CLEC9A: variants seen among roughly 807,000 people sequenced by gnomAD.
CLEC9A encodes C-type lectin domain containing 9A, also known as C-type lectin domain family 9 member A.
In CLEC9A, 24 loss-of-function variants were observed where a neutral mutation model predicts 30.0. That is an observed-to-expected ratio of 0.80 (90% confidence interval 0.58 to 1.13). The LOEUF is 1.13. Among genes scored for constraint, CLEC9A ranks in the 50% most tolerant of loss-of-function variants. The probability of loss-of-function intolerance (pLI) is 0.00; values close to 1 mark genes in which losing one functional copy is unlikely to be tolerated. For missense variants in CLEC9A, 251 were observed against 280.9 expected (o/e 0.89, Z 0.76); for synonymous variants, 111 against 96.8 (o/e 1.15, Z -0.86).
At chr12:10,062,466 A>T (rs1255923529) in intron 6 of CLEC9A, among the ~76,000 whole-genome samples, 1 of 152,324 alleles carries the variant, frequency 6.6e-6, no homozygotes, top group East Asian at 1.9e-4. Flanking sequence ...ATTAAGGCTT[A>T]CTTCTTAGTT....
chr12:10,033,411 C>G (rs574510475), intron 1 of CLEC9A, among the ~76,000 whole-genome samples: 20 of 152,202 alleles, frequency 1.3e-4, no homozygotes, highest in African/African-American at 4.6e-4. Context: ...TATTTCCATA[C>G]CATTGCTTGA....
At chr12:10,057,701 A>G (rs1477444523) in intron 5 of CLEC9A, among the ~76,000 whole-genome samples, 3 of 152,056 alleles carry the variant, frequency 2.0e-5, no homozygotes, top group Non-Finnish European at 4.4e-5. Context: ...ATACATACAT[A>G]GAAAAGAGTT....
At chr12:10,056,948 C>T (rs1014014227) in intron 5 of CLEC9A, among the ~76,000 whole-genome samples, 1 of 152,060 alleles carries the variant, frequency 6.6e-6, no homozygotes, top group African/African-American at 2.4e-5. Flanking sequence ...TATCACTGTA[C>T]AGGCGTAAAG....
chr12:10,037,221 A>G (rs1865751476), intron 1 of CLEC9A, among the ~76,000 whole-genome samples: 1 of 152,214 alleles, frequency 6.6e-6, no homozygotes, highest in Non-Finnish European at 1.5e-5. Context: ...TGCAAAGTAA[A>G]AATTGACAGA....
At chr12:10,053,429 C>A (rs1333841912) in intron 4 of CLEC9A, among the ~76,000 whole-genome samples, 2 of 152,174 alleles carry the variant, frequency 1.3e-5, no homozygotes, top group African/African-American at 4.8e-5. Context: ...ATGGACCCTT[C>A]TTCTGTCTTG....
intron 5 of CLEC9A, among the ~76,000 whole-genome samples, chr12:10,059,788 A>C (rs913107972): frequency 6.6e-6 from 1 of 152,172 alleles, no homozygotes; most frequent in African/African-American, 2.4e-5. Context: ...ACTGGGAATA[A>C]ATAGTTGTAA....
intron 5 of CLEC9A, among the ~76,000 whole-genome samples, chr12:10,057,997 GT>G (rs924786614): frequency 2.6e-5 from 4 of 151,580 alleles, no homozygotes; most frequent in East Asian, 1.9e-4. Flanking sequence ...AAAGTATTTT[GT>G]TTTTTTTCCC....
intron 2 of CLEC9A, among the ~76,000 whole-genome samples, chr12:10,043,483 G>A (rs901369508): frequency 1.3e-5 from 2 of 151,938 alleles, no homozygotes; most frequent in Non-Finnish European, 2.9e-5. Context: ...TCAAACAAGA[G>A]AGCACTGGTC....
chr12:10,036,923 G>T (rs1865748896), intron 1 of CLEC9A, among the ~76,000 whole-genome samples: 1 of 152,072 alleles, frequency 6.6e-6, no homozygotes, highest in Admixed American at 6.6e-5. Context: ...ATACGTATTG[G>T]GTAACACAGG....
intron 1 of CLEC9A, among the ~76,000 whole-genome samples, chr12:10,036,682 C>G (rs1786171117): frequency 1.3e-5 from 2 of 152,152 alleles, no homozygotes; most frequent in South Asian, 4.1e-4. Flanking sequence ...TCATTGTTAT[C>G]TTAGTATCTT....
At chr12:10,032,277 A>C (rs1220609356) in intron 1 of CLEC9A, among the ~76,000 whole-genome samples, 1 of 152,186 alleles carries the variant, frequency 6.6e-6, no homozygotes, top group East Asian at 1.9e-4. Context: ...AAGACGCCAC[A>C]GCCACACAGG....
At position 10,065,659 on chromosome 12, in the gene CLEC9A, T is replaced by C; in HGVS notation, c.*27T>C. ...AGAAATTGTGTTCAAAGTGTTCTATTACACTGTTATTTGGAGCATGCCATT... is the reference window on the plus strand; with the variant it reads ...AGAAATTGTGTTCAAAGTGTTCTATCACACTGTTATTTGGAGCATGCCATT... On this transcript the variant is annotated 3_prime_UTR_variant, in exon 9 of 9. Coordinates refer to ENST00000355819, the MANE Select transcript of CLEC9A (RefSeq NM_207345.4). The C allele has an allele frequency of 6.2e-7, 1 of 1,612,298 alleles. No homozygotes were observed. The highest frequency in any genetic ancestry group is 8.5e-7 in the Non-Finnish European group (1 of 1,178,882).
At chr12:10,059,137 T>C (rs1865972390) in intron 5 of CLEC9A, among the ~76,000 whole-genome samples, 1 of 152,170 alleles carries the variant, frequency 6.6e-6, no homozygotes. Flanking sequence ...TTAAACCAAT[T>C]ATATAACTGA....
At chr12:10,063,864 C>T (rs1178322611) in intron 7 of CLEC9A, among the ~76,000 whole-genome samples, 3 of 152,146 alleles carry the variant, frequency 2.0e-5, no homozygotes, top group Admixed American at 2.0e-4. Flanking sequence ...AAAAATTAGG[C>T]TGGGATGGTG....
chr12:10,036,534 A>G (rs180741938), intron 1 of CLEC9A, among the ~76,000 whole-genome samples: 37 of 152,334 alleles, frequency 2.4e-4, no homozygotes, highest in African/African-American at 8.7e-4. Flanking sequence ...TTCTGTCTGC[A>G]GTCATAACAC....
Position 10,038,208 on chromosome 12 carries a change from T to A in CLEC9A, c.-317-3258T>A, listed in dbSNP as rs139752614. 1.1e-3 allele frequency among the ~76,000 whole-genome samples: 174 copies of A among 152,360 alleles called. 1 individual carries two copies. Among genetic ancestry groups the A allele is most frequent in the African/African-American group, 4.0e-3 (167 of 41,590 alleles). Reference sequence around the variant, plus strand: ...ATTTCTTGGAAATGAGCTTTTATTATTAAGAATTGGTTTTTGGTAAAAATA... The same window carrying A: ...ATTTCTTGGAAATGAGCTTTTATTAATAAGAATTGGTTTTTGGTAAAAATA... On this transcript the variant is annotated intron_variant, in intron 1 of 8. Coordinates refer to ENST00000355819, the MANE Select transcript of CLEC9A (RefSeq NM_207345.4).
intron 2 of CLEC9A, among the ~76,000 whole-genome samples, chr12:10,050,919 A>C (rs1462964699): frequency 1.3e-5 from 2 of 152,154 alleles, no homozygotes; most frequent in Non-Finnish European, 2.9e-5. Flanking sequence ...ATATTGAAGA[A>C]TGGGGCCAGG....
chr12:10,040,857 A>G (rs1865789237), intron 1 of CLEC9A: 1 of 195,652 alleles, frequency 5.1e-6, no homozygotes, highest in South Asian at 8.4e-5. Flanking sequence ...GCTGTCATGC[A>G]GCAAAATTAC....
chr12:10,053,823 G>A (rs1865916441), intron 4 of CLEC9A, among the ~76,000 whole-genome samples: 8 of 151,790 alleles, frequency 5.3e-5, no homozygotes, highest in Admixed American at 5.3e-4. Context: ...ATATTTAAAA[G>A]TATATATTTA....
Sources: gnomAD v4.1 joint callset for allele counts (sites outside exome capture counted in the v4.1 genomes callset) on GRCh38, gnomAD v4.1.1 for gene constraint, MANE v1.5 for transcripts, NCBI Gene and HGNC (gene_info 2026-07-23, HGNC 2026-07-21) for gene names.